TTC22: variants seen among roughly 807,000 people sequenced by gnomAD.
TTC22 encodes the protein tetratricopeptide repeat protein 22.
Under a neutral mutation model 48.2 loss-of-function variants are expected in TTC22, and 42 were observed. The ratio of observed to expected loss-of-function variants is 0.87; its 90% CI spans 0.68 to 1.13. The LOEUF (loss-of-function observed/expected upper bound fraction) is 1.13, where lower values mean the gene tolerates loss of function less well. Among genes scored for constraint, TTC22 ranks in the 50% most tolerant of loss-of-function variants. The probability of loss-of-function intolerance (pLI) is 0.00; values close to 1 mark genes in which losing one functional copy is unlikely to be tolerated. For missense variants in TTC22, 784 were observed against 807.0 expected, an observed-to-expected ratio of 0.97 and a Z score of 0.34; for synonymous variants, 345 against 365.5, an observed-to-expected ratio of 0.94 and a Z score of 0.64.
chr1:54,800,951 G>C lies in TTC22; in HGVS notation c.213C>G (p.Leu71=). Residue 71 remains leucine, a synonymous_variant, in exon 1 of 7, where the codon CTC becomes CTG. Coordinates refer to ENST00000371276, the MANE Select transcript of TTC22 (RefSeq NM_001114108.2). The part of the protein sequence containing the change: ...AAPQRPAVRH[L]LGAFAFYLEE... Reference sequence around the variant, plus strand: ...CCAGGTAGAATGCGAAAGCGCCCAGGAGGTGACGCACAGCGGGGCGCTGCG... The same window carrying C: ...CCAGGTAGAATGCGAAAGCGCCCAGCAGGTGACGCACAGCGGGGCGCTGCG... The C allele has an allele frequency of 6.2e-7, 1 of 1,606,810 alleles. No individual in the cohort carries two copies. The highest frequency in any genetic ancestry group is 8.5e-7 in the Non-Finnish European group (1 of 1,178,430).
chr1:54,782,611 GC>G, intron 5 of TTC22, 134 bp from the exon 6 acceptor site: 1 of 986,038 alleles, frequency 1.0e-6, no homozygotes, highest in Non-Finnish European at 1.4e-6. Context: ...AGACCCTGAG[GC>G]CAGGACCCAG....
chr1:54,786,221 A>G (rs1646299906), intron 4 of TTC22, 77 bp from the exon 5 acceptor site: 1 of 1,370,552 alleles, frequency 7.3e-7, no homozygotes, highest in Non-Finnish European at 1.0e-6. Flanking sequence ...GCTGAACCAC[A>G]GGAACCCCAT....
intron 1 of TTC22, among the ~76,000 whole-genome samples, chr1:54,796,169 T>C (rs1298040129): frequency 6.6e-6 from 1 of 152,242 alleles, no homozygotes; most frequent in African/African-American, 2.4e-5. Context: ...GTCGTGTGTG[T>C]GTGCGCGTGT....
intron 1 of TTC22, among the ~76,000 whole-genome samples, chr1:54,795,539 T>C (rs557861282): frequency 2.6e-4 from 39 of 152,204 alleles, no homozygotes; most frequent in Non-Finnish European, 4.0e-4. Flanking sequence ...ATTCCCTATC[T>C]GGTCCAGCGT....
intron 1 of TTC22, among the ~76,000 whole-genome samples, chr1:54,795,335 CCT>C (rs1646382624): frequency 6.6e-6 from 1 of 152,168 alleles, no homozygotes. Flanking sequence ...AATATTTGGC[CCT>C]GTCTTGGGCT....
chr1:54,788,948 G>C (rs1456465518), intron 1 of TTC22, among the ~76,000 whole-genome samples: 1 of 152,214 alleles, frequency 6.6e-6, no homozygotes, highest in Non-Finnish European at 1.5e-5. Flanking sequence ...ACCTGGCAGG[G>C]GAAGCAGATC....
At chr1:54,794,054 C>T (rs1333414437) in intron 1 of TTC22, among the ~76,000 whole-genome samples, 1 of 152,228 alleles carries the variant, frequency 6.6e-6, no homozygotes, top group Non-Finnish European at 1.5e-5. Context: ...GGGAGCCCAG[C>T]AACCTGTGTT....
intron 1 of TTC22, 52 bp downstream of exon 1, chr1:54,800,545 T>TGGGAGGACCACAGTCCTCCCAGA (rs1646425139): frequency 7.2e-7 from 1 of 1,385,830 alleles, no homozygotes; most frequent in Non-Finnish European, 9.4e-7. Context: ...GAAGGGACCA[T>TGGGAGGACCACAGTCCTCCCAGA]GGGAGGACCA....
rs116444497 is a variant in TTC22, at chr1:54,782,354, C to G, written c.1144G>C (p.Gly382Arg). The stretch of plus-strand genomic sequence containing the variant: ...CCGATGTCCAGGTACGCCTTGAAGC[C>G]TGGGCACACCCTGACCACTTCCTCA... ...DLEEVVRVCP[G>R]FKAYLDIGQV... The change falls in exon 6 of 7, where the codon GGC becomes CGC. Residue 382 changes from glycine (G) to arginine (R), a missense_variant. Physicochemically the swap from Gly to Arg is moderately radical, Grantham distance 125. Transcript: ENST00000371276. The G allele has an allele frequency of 1.2e-3, 1,787 of 1,548,042 alleles. 12 individuals are homozygous for G. The African/African-American group carries it at 0.022, about 19-fold the overall frequency.
chr1:54,792,056 T>C lies in TTC22; in HGVS notation c.568-3959A>G, dbSNP rs964706159. Among the ~76,000 whole-genome samples the C allele has an allele frequency of 4.6e-5, 7 of 152,270 alleles. No homozygotes were observed. In the East Asian group the frequency reaches 1.4e-3, roughly 29 times the overall value. ...ACTATTACTGATTAATTCAAGAGCC[T>C]GGTTAAGGTTTTCACTAAGCAAGCA... On this transcript the variant is annotated intron_variant, in intron 1 of 6. Transcript: ENST00000371276.
In TTC22 at chr1:54,781,137, C is replaced by T. The variant is rs1355465348; in HGVS notation, c.*106G>A. 6.2e-6 allele frequency: 5 copies of T among 805,160 alleles called. No homozygotes were observed. The highest frequency in any genetic ancestry group is 8.7e-6 in the Non-Finnish European group (5 of 577,828). 49.9% of individuals were successfully genotyped at this position (805,160 alleles called of 1,614,324 possible). On this transcript the variant is annotated 3_prime_UTR_variant, in exon 7 of 7. Transcript: ENST00000371276. ...TCCCGACCAAGAATCGAACTGGCTC[C>T]GCTCCCAGGTCAGCCTAAGGCAGGG...
chr1:54,799,528 C>T (rs1646417429), intron 1 of TTC22, among the ~76,000 whole-genome samples: 1 of 152,210 alleles, frequency 6.6e-6, no homozygotes, highest in South Asian at 2.1e-4. Context: ...GAACCTAGGC[C>T]TCCTGGCTCC....
intron 6 of TTC22, 138 bp from the exon 7 acceptor site, chr1:54,781,917 C>T: frequency 1.2e-6 from 1 of 824,738 alleles, no homozygotes; most frequent in Non-Finnish European, 1.7e-6. Flanking sequence ...ATTAATCACA[C>T]GTTTTATTCC....
Position 54,801,159 on chromosome 1 carries a change from G to T in TTC22, c.5C>A (p.Ala2Glu), listed in dbSNP as rs1327358304. The T allele has an allele frequency of 3.1e-6, 5 of 1,610,552 alleles. No homozygotes were observed. The highest frequency in any genetic ancestry group is 4.2e-6 in the Non-Finnish European group (5 of 1,178,212). The change falls in exon 1 of 7, where the codon GCG becomes GAG. Residue 2 changes from alanine to glutamate, a missense_variant. Coordinates refer to ENST00000371276, the MANE Select transcript of TTC22 (RefSeq NM_001114108.2). ...ATCGTCGGCCACAGCCTCCAGCTCCGCCATGACTGCTCCCTCTGCTCCCCT... is the reference window on the plus strand; with the variant it reads ...ATCGTCGGCCACAGCCTCCAGCTCCTCCATGACTGCTCCCTCTGCTCCCCT... M[A>E]ELEAVADDLD...
Position 54,781,369 on chromosome 1 carries a change from C to G in TTC22, c.1584G>C (p.Val528=). 7.2e-7 allele frequency: 1 copy of G among 1,393,660 alleles called. No homozygotes were observed. Among genetic ancestry groups the G allele is most frequent in the Non-Finnish European group, 9.2e-7 (1 of 1,085,742 alleles). 86.3% of individuals were successfully genotyped at this position (1,393,660 alleles called of 1,614,324 possible). Residue 528 remains valine, a synonymous_variant, in exon 7 of 7, where the codon GTG becomes GTC. Transcript: ENST00000371276. ...QRVWRGHTDE[V]LGLARALVAQ... ...CCACCAGGGCCCGGGCCAGCCCCAA[C>G]ACCTCGTCCGTGTGCCCGCGCCACA...
intron 1 of TTC22, among the ~76,000 whole-genome samples, chr1:54,796,928 G>C (rs1056205466): frequency 6.6e-6 from 1 of 152,126 alleles, no homozygotes; most frequent in East Asian, 1.9e-4. Flanking sequence ...GAAACCATGT[G>C]GGGGTAAGCC....
At position 54,781,603 on chromosome 1, in the gene TTC22, G is replaced by A; in HGVS notation, c.1350C>T (p.Asn450=). 6.6e-7 allele frequency: 1 copy of A among 1,525,550 alleles called. No homozygotes were observed. Among genetic ancestry groups the A allele is most frequent in the Non-Finnish European group, 8.8e-7 (1 of 1,142,306 alleles). The allele number at this position is 1,525,550 out of a possible 1,614,324, so 94.5% of individuals were successfully genotyped here. ...CTGCGCGCTTGAAGCAGGCGGCCGC[G>A]TTGGCGTCCTCGCCCTTGATGCGCA... is the stretch of plus-strand genomic sequence containing the variant. ...KCLRIKGEDA[N]AAACFKRAVE... The change falls in exon 7 of 7, where the codon AAC becomes AAT. Residue 450 remains asparagine, a synonymous_variant. Transcript: ENST00000371276.
At chr1:54,786,295 T>G (rs1447429873) in intron 4 of TTC22, 151 bp from the exon 5 acceptor site, 3 of 671,078 alleles carry the variant, frequency 4.5e-6, no homozygotes, top group Non-Finnish European at 7.5e-6. Flanking sequence ...CACCTGCCAG[T>G]AAGTTGTCAC....
At chr1:54,797,044 T>C (rs545445886) in intron 1 of TTC22, among the ~76,000 whole-genome samples, 70 of 152,278 alleles carry the variant, frequency 4.6e-4, no homozygotes, top group African/African-American at 1.3e-3. Flanking sequence ...CTGGTGCTTT[T>C]CATGTTTTCT....
Sources: gnomAD v4.1 joint callset for allele counts (sites outside exome capture counted in the v4.1 genomes callset) on GRCh38, gnomAD v4.1.1 for gene constraint, MANE v1.5 for transcripts, NCBI Gene and HGNC (gene_info 2026-07-23, HGNC 2026-07-21) for gene names.